PDLIM7: variants seen among roughly 807,000 people sequenced by gnomAD.
PDLIM7 encodes the protein PDZ and LIM domain protein 7.
PDLIM7 carries 37 observed loss-of-function variants against 53.9 expected under a neutral mutation model. That is an observed-to-expected ratio of 0.69 (90% confidence interval 0.53 to 0.90). The LOEUF (loss-of-function observed/expected upper bound fraction) is 0.90, where lower values mean the gene tolerates loss of function less well. PDLIM7 is among the 40% of genes least tolerant of loss of function. The pLI is 0.00. For missense variants in PDLIM7, 617 were observed against 638.5 expected, an observed-to-expected ratio of 0.97 and a Z score of 0.36; for synonymous variants, 300 against 261.3, an observed-to-expected ratio of 1.15 and a Z score of -1.43.
Position 177,492,401 on chromosome 5 carries a change from G to C in PDLIM7, c.279+4C>G. ...CCGCCCGGATGTCCCGGCCAGCCTC[G>C]TACCTTCTGCGGTTTGCTCTGAACC... On this transcript the variant is annotated splice_donor_region_variant and intron_variant, in intron 4 of 12. Transcript: ENST00000355841. 2 of 1,613,340 alleles carry C rather than the reference G, an allele frequency of 1.2e-6. No individual in the cohort carries two copies. Among genetic ancestry groups the C allele is most frequent in the Non-Finnish European group, 1.7e-6 (2 of 1,179,648 alleles).
rs770237475 is a variant in PDLIM7 at position 177,491,064 on chromosome 5, T to A, written c.481A>T (p.Thr161Ser). The change falls in exon 6 of 13, where the codon ACA (threonine) becomes TCA (serine). Residue 161 changes from threonine to serine, a missense_variant. Coordinates refer to ENST00000355841, the MANE Select transcript of PDLIM7 (RefSeq NM_005451.5). ...NTEDWRPRPG[T>S]GQSRSFRILA... ...ATGCGGAAGGAACGCGACTGGCCTGTCCCCGGCCGCGGCCGCCAGTCCTCT... is the reference window on the plus strand; with the variant it reads ...ATGCGGAAGGAACGCGACTGGCCTGACCCCGGCCGCGGCCGCCAGTCCTCT... The A allele has an allele frequency of 1.9e-6, 3 of 1,610,838 alleles. No individual in the cohort carries two copies. Among genetic ancestry groups the A allele is most frequent in the Non-Finnish European group, 2.5e-6 (3 of 1,178,932 alleles).
Position 177,483,512 on chromosome 5 carries a change from C to CCCAGGGAG in PDLIM7, c.*124_*131dup. 1 of 640,728 alleles carries CCCAGGGAG rather than the reference C, an allele frequency of 1.6e-6. No homozygotes were observed. 39.7% of individuals were successfully genotyped at this position (640,728 alleles called of 1,614,324 possible). The stretch of plus-strand genomic sequence containing the variant: ...GGAGGATAAGGTGGGTGGGGCAGGG[C>CCCAGGGAG]CCAGGGAGCCCCAGGCTCGGGCCAG... On this transcript the variant is annotated 3_prime_UTR_variant, in exon 13 of 13. Coordinates refer to ENST00000355841, the MANE Select transcript of PDLIM7 (RefSeq NM_005451.5).
chr5:177,484,528 G>T, intron 10 of PDLIM7: 1 of 274,170 alleles, frequency 3.6e-6, no homozygotes, highest in South Asian at 4.1e-5. Context: ...GGTCCACCAG[G>T]AAATCCAGTG....
chr5:177,485,783 G>A (rs902335258), intron 10 of PDLIM7, among the ~76,000 whole-genome samples: 4 of 151,998 alleles, frequency 2.6e-5, no homozygotes, highest in Admixed American at 1.3e-4. Flanking sequence ...CCAGGAGTTC[G>A]AGACCAGCCT....
At chr5:177,490,067 GCTCCTGGGGTTCCC>G in intron 7 of PDLIM7, 1 of 1,531,378 alleles carries the variant, frequency 6.5e-7, no homozygotes, top group Non-Finnish European at 8.7e-7. Flanking sequence ...TTCTGAGGCA[GCTCCTGGGGTTCCC>G]CTCATGCCAG....
At position 177,490,399 on chromosome 5, in the gene PDLIM7, G is replaced by T. The variant is rs963213639; in HGVS notation, c.572+471C>A. Reference sequence around the variant, plus strand: ...CTCAGGCCAGGGGCACGAAAGGGGGGGTGAGGTAGGCAGAAGCTGGAGGCA... The same window carrying T: ...CTCAGGCCAGGGGCACGAAAGGGGGTGTGAGGTAGGCAGAAGCTGGAGGCA... On this transcript the variant is annotated intron_variant, in intron 7 of 12. Coordinates refer to ENST00000355841, the MANE Select transcript of PDLIM7 (RefSeq NM_005451.5). 8 of 1,490,066 alleles carry T rather than the reference G, an allele frequency of 5.4e-6. No individual in the cohort carries two copies. In the African/African-American group the frequency reaches 9.7e-5, roughly 18 times the overall value. 92.3% of individuals were successfully genotyped at this position (1,490,066 alleles called of 1,614,324 possible).
intron 10 of PDLIM7, 156 bp downstream of exon 10, chr5:177,487,912 C>T (rs1176343715): frequency 1.7e-6 from 1 of 588,196 alleles, no homozygotes; most frequent in Non-Finnish European, 2.8e-6. Flanking sequence ...AGCATCCTGA[C>T]TAATGCAGGG....
chr5:177,484,350 T>C (rs1036398139), intron 10 of PDLIM7, 160 bp from the exon 11 acceptor site: 1 of 821,758 alleles, frequency 1.2e-6, no homozygotes, highest in African/African-American at 1.7e-5. Context: ...AACTCCAAGG[T>C]CTCTGAGTGG....
rs143980931 is a variant in PDLIM7 at position 177,483,876 on chromosome 5, G to A, written c.1278C>T (p.Phe426=). 1.1e-5 allele frequency: 18 copies of A among 1,613,416 alleles called. No homozygotes were observed. Among genetic ancestry groups the A allele is most frequent in the Admixed American group, 8.3e-5 (5 of 60,020 alleles). ...GGGGCGGGGCTCTCACCGCACAGACGAAGCAGGTGTCATGCCAGCTGAAGC... is the reference window on the plus strand; with the variant it reads ...GGGGCGGGGCTCTCACCGCACAGACAAAGCAGGTGTCATGCCAGCTGAAGC... The part of the protein sequence containing the change: ...ALGFSWHDTC[F]VCAICQINLE... The change falls in exon 12 of 13, where the codon TTC becomes TTT. Residue 426 remains phenylalanine (F), a synonymous_variant. Coordinates refer to ENST00000355841, the MANE Select transcript of PDLIM7 (RefSeq NM_005451.5).
chr5:177,490,669 G>A, intron 7 of PDLIM7: 1 of 1,011,626 alleles, frequency 9.9e-7, no homozygotes. Flanking sequence ...GAGGAGGGAA[G>A]GAAGGAGGGA....
Position 177,489,764 on chromosome 5 carries a change from C to T in PDLIM7, c.634+7G>A, listed in dbSNP as rs1561702130. On this transcript the variant is annotated splice_region_variant and intron_variant, in intron 8 of 12. Coordinates refer to ENST00000355841, the MANE Select transcript of PDLIM7 (RefSeq NM_005451.5). ...CCTTGCCCAGGCCCGAGCCCACTCC[C>T]TCTCACCAGGCCAGGGCTCCTGGGG... 1.3e-6 allele frequency: 2 copies of T among 1,544,170 alleles called. No individual in the cohort carries two copies. The highest frequency in any genetic ancestry group is 1.7e-6 in the Non-Finnish European group (2 of 1,144,006).
chr5:177,490,313 A>G, intron 7 of PDLIM7: 1 of 1,445,538 alleles, frequency 6.9e-7, no homozygotes, highest in South Asian at 1.5e-5. Flanking sequence ...ACCACAGGGC[A>G]AAGAGGGAAG....
At chr5:177,494,415 G>A (rs748001465) in intron 2 of PDLIM7, among the ~76,000 whole-genome samples, 7 of 152,330 alleles carry the variant, frequency 4.6e-5, no homozygotes, top group African/African-American at 7.2e-5. Context: ...CACCCCAGAG[G>A]GGAAGTGACT....
At chr5:177,489,648 A>G in intron 8 of PDLIM7, 21 bp from the exon 9 acceptor site, 1 of 1,554,642 alleles carries the variant, frequency 6.4e-7, no homozygotes, top group Non-Finnish European at 8.7e-7. Flanking sequence ...AAGTGACTCT[A>G]AAGGGGTGCC....
intron 5 of PDLIM7, chr5:177,491,571 A>G: frequency 2.7e-6 from 2 of 729,306 alleles, no homozygotes; most frequent in East Asian, 5.4e-5. Flanking sequence ...CCCAACCCCC[A>G]GCCGCCAGCA....
At position 177,492,702 on chromosome 5, in the gene PDLIM7, C is replaced by T. The variant is rs116657554; in HGVS notation, c.97-25G>A. On this transcript the variant is annotated intron_variant, in intron 2 of 12. Transcript: ENST00000355841. ...GCTGTGGAGAGAGAAGCAAAGTGAC[C>T]GAGGCCCTGGACCCTGCAGACCCAA... 7.8e-4 allele frequency: 1,242 copies of T among 1,594,556 alleles called. 8 individuals are homozygous for T. In the African/African-American group the frequency reaches 0.014, roughly 18 times the overall value.
chr5:177,495,807 C>A (rs1225633366), intron 2 of PDLIM7, among the ~76,000 whole-genome samples: 1 of 152,034 alleles, frequency 6.6e-6, no homozygotes, highest in Non-Finnish European at 1.5e-5. Flanking sequence ...TCCTACACTT[C>A]TGCTTGGGGT....
intron 9 of PDLIM7, 73 bp from the exon 10 acceptor site, chr5:177,488,321 T>A: frequency 1.5e-6 from 2 of 1,322,656 alleles, no homozygotes; most frequent in Non-Finnish European, 1.0e-6. Flanking sequence ...TCAGGTTGAC[T>A]GACCACCCAC....
At position 177,484,052 on chromosome 5, in the gene PDLIM7, T is replaced by A; in HGVS notation, c.1171+18A>T. On this transcript the variant is annotated intron_variant, in intron 11 of 12. Coordinates refer to ENST00000355841, the MANE Select transcript of PDLIM7 (RefSeq NM_005451.5). ...CCCCATGCACCATCCCTCCTCACCC[T>A]CACTGGCCAGTGGGTACCTCGCTCG... The A allele has an allele frequency of 6.2e-7, 1 of 1,613,754 alleles. No individual in the cohort carries two copies. The highest frequency in any genetic ancestry group is 8.5e-7 in the Non-Finnish European group (1 of 1,179,848).
Sources: gnomAD v4.1 joint callset for allele counts (sites outside exome capture counted in the v4.1 genomes callset) on GRCh38, gnomAD v4.1.1 for gene constraint, MANE v1.5 for transcripts, NCBI Gene and HGNC (gene_info 2026-07-23, HGNC 2026-07-21) for gene names.